Variants in EPB41 observed in about 807,000 individuals in gnomAD.
EPB41 encodes the protein protein 4.1.
Under a neutral mutation model 108.0 loss-of-function variants are expected in EPB41, and 65 were observed. The ratio of observed to expected loss-of-function variants is 0.60; its 90% confidence interval spans 0.49 to 0.74. The LOEUF (loss-of-function observed/expected upper bound fraction) is 0.74, where lower values mean the gene tolerates loss of function less well. Among genes scored for constraint, EPB41 ranks in the 30% least tolerant of loss-of-function variants. The pLI is 0.00. For synonymous variants in EPB41, 336 were observed against 358.9 expected (o/e 0.94, Z 0.72); for missense variants, 875 against 1,037.0 (o/e 0.84, Z 2.15).
At chr1:28,934,752 C>T (rs1026475786) in intron 1 of EPB41, among the ~76,000 whole-genome samples, 6 of 150,260 alleles carry the variant, frequency 4.0e-5, no homozygotes, top group Non-Finnish European at 5.9e-5. Flanking sequence ...GCTCCAGGCT[C>T]ATCTTGCATA....
At chr1:28,902,258 T>A (rs1318749198) in intron 1 of EPB41, 1 of 985,354 alleles carries the variant, frequency 1.0e-6, no homozygotes, top group Non-Finnish European at 1.2e-6. Context: ...TGATTGCTTC[T>A]GATATTTTCT....
In EPB41 at chr1:29,116,973, A is replaced by G. The variant is rs1671124785; in HGVS notation, c.*161A>G. 1 of 152,258 alleles carries G rather than the reference A, an allele frequency of 6.6e-6. No individual in the cohort carries two copies. The highest frequency in any genetic ancestry group is 2.4e-5 in the African/African-American group (1 of 41,472). The allele number at this position is 152,258 out of a possible 1,614,324, so 9.4% of individuals were successfully genotyped here. A position where few individuals can be genotyped will look rare whatever the true frequency, so the allele number is the denominator to read the frequency against. On this transcript the variant is annotated 3_prime_UTR_variant, in exon 21 of 21. Transcript: ENST00000343067. Reference sequence around the variant, plus strand: ...GTTTCTATTGGGAGTTTATACCAAGAGATTCTTCTAGATCTCATTGATCCT... The same window carrying G: ...GTTTCTATTGGGAGTTTATACCAAGGGATTCTTCTAGATCTCATTGATCCT...
chr1:29,108,964 C>T (rs1402479692), intron 17 of EPB41, among the ~76,000 whole-genome samples: 2 of 151,154 alleles, frequency 1.3e-5, no homozygotes, highest in Non-Finnish European at 2.9e-5. Context: ...TTTGGGAGGC[C>T]GAGGCAGGCG....
intron 1 of EPB41, among the ~76,000 whole-genome samples, chr1:28,933,515 T>G (rs977456026): frequency 2.0e-5 from 3 of 152,176 alleles, no homozygotes; most frequent in Non-Finnish European, 4.4e-5. Context: ...TTCATCCTAT[T>G]CAGATTTTCA....
intron 16 of EPB41, among the ~76,000 whole-genome samples, chr1:29,093,391 G>A (rs550841141): frequency 6.6e-6 from 1 of 152,184 alleles, no homozygotes; most frequent in African/African-American, 2.4e-5. Flanking sequence ...ATTTTTTAAT[G>A]GAGTTGTTTC....
rs553645625 is a variant in EPB41, at chr1:29,070,723, C to G, written c.2184+5565C>G. ...CCCTCTGATCTTGATAGTTCACTATCCTAGGGGAGCTCTTGTGATCATTTT... is the reference window on the plus strand; with the variant it reads ...CCCTCTGATCTTGATAGTTCACTATGCTAGGGGAGCTCTTGTGATCATTTT... On this transcript the variant is annotated intron_variant, in intron 16 of 20. Coordinates refer to ENST00000343067, the MANE Select transcript of EPB41 (RefSeq NM_001376013.1). 126 of 1,217,592 alleles carry G rather than the reference C, an allele frequency of 1.0e-4. No homozygotes were observed. In the African/African-American group the frequency reaches 1.7e-3, roughly 16 times the overall value. 75.4% of individuals were successfully genotyped at this position (1,217,592 alleles called of 1,614,324 possible). A position where few individuals can be genotyped will look rare whatever the true frequency, so the allele number is the denominator to read the frequency against.
chr1:28,935,467 ACCC>A (rs71022381), intron 1 of EPB41, among the ~76,000 whole-genome samples: 759 of 64,122 alleles, frequency 0.012, 50 homozygotes, highest in Middle Eastern at 0.029. Context: ...ACACACACAC[ACCC>A]CCCCCCCCCC....
At chr1:29,079,969 C>T (rs1178613754) in intron 16 of EPB41, among the ~76,000 whole-genome samples, 1 of 151,818 alleles carries the variant, frequency 6.6e-6, no homozygotes, top group African/African-American at 2.4e-5. Context: ...GCACTCCAGC[C>T]TGGGCGACAA....
intron 1 of EPB41, among the ~76,000 whole-genome samples, chr1:28,923,661 A>G (rs1335513955): frequency 3.3e-5 from 5 of 152,132 alleles, no homozygotes; most frequent in Admixed American, 3.3e-4. Flanking sequence ...ATGACCATTA[A>G]TGGACACTGG....
intron 16 of EPB41, among the ~76,000 whole-genome samples, chr1:29,083,940 A>T (rs1042049979): frequency 6.6e-6 from 1 of 152,234 alleles, no homozygotes; most frequent in Non-Finnish European, 1.5e-5. Flanking sequence ...TGGGGGTATT[A>T]CTTAAATACA....
At position 28,890,121 on chromosome 1, in the gene EPB41, T is replaced by C. The variant is rs941442463; in HGVS notation, c.-8+2911T>C. ...GGCATGATCTCAGCTCACTGCAACC[T>C]TCACCTCCTGGATTCAAGCGATTCT... On this transcript the variant is annotated intron_variant, in intron 1 of 16. Coordinates refer to the EPB41 transcript ENST00000347529. 2.6e-5 allele frequency among the ~76,000 whole-genome samples: 4 copies of C among 152,112 alleles called. 1 individual carries two copies. The highest frequency in any genetic ancestry group is 9.7e-5 in the African/African-American group (4 of 41,420).
intron 1 of EPB41, among the ~76,000 whole-genome samples, chr1:28,959,140 CA>C (rs1470481929): frequency 6.7e-6 from 1 of 150,098 alleles, no homozygotes; most frequent in Admixed American, 6.6e-5. Flanking sequence ...AGATCACAGC[CA>C]AGCTGGGGTG....
chr1:28,998,023 G>A (rs995287868), intron 4 of EPB41, among the ~76,000 whole-genome samples: 2 of 152,290 alleles, frequency 1.3e-5, no homozygotes, highest in South Asian at 4.1e-4. Context: ...TGCAGGTGCT[G>A]TACTAGATGA....
chr1:29,013,898 T>C (rs984693430), intron 5 of EPB41, among the ~76,000 whole-genome samples: 1 of 150,548 alleles, frequency 6.6e-6, no homozygotes, highest in Non-Finnish European at 1.5e-5. Flanking sequence ...AATTTAAACA[T>C]TGTAGGAAAT....
intron 17 of EPB41, among the ~76,000 whole-genome samples, chr1:29,104,613 T>A (rs1465428663): frequency 6.6e-6 from 1 of 151,924 alleles, no homozygotes; most frequent in Non-Finnish European, 1.5e-5. Flanking sequence ...AGACGGAGTC[T>A]CGCTCTGTCA....
At chr1:29,014,885 C>A (rs2096557791) in intron 5 of EPB41, among the ~76,000 whole-genome samples, 1 of 152,184 alleles carries the variant, frequency 6.6e-6, no homozygotes, top group African/African-American at 2.4e-5. Flanking sequence ...ATGGCTTATG[C>A]CTGTAATCCC....
rs576456498 is a variant in EPB41, at chr1:29,016,636, G to A, written c.905+869G>A. Reference sequence around the variant, plus strand: ...GCCCACCTAATTTATTAAATCCTGCGCTCTTTAAAAACAGCCTACTGATGT... The same window carrying A: ...GCCCACCTAATTTATTAAATCCTGCACTCTTTAAAAACAGCCTACTGATGT... On this transcript the variant is annotated intron_variant, in intron 6 of 20. Coordinates refer to ENST00000343067, the MANE Select transcript of EPB41 (RefSeq NM_001376013.1). Among the ~76,000 whole-genome samples, 6 of 151,970 alleles carry A rather than the reference G, an allele frequency of 3.9e-5. No homozygotes were observed. In the South Asian group the frequency reaches 6.2e-4, roughly 16 times the overall value.
At chr1:29,036,159 G>A (rs138857096) in intron 10 of EPB41, among the ~76,000 whole-genome samples, 196 of 152,154 alleles carry the variant, frequency 1.3e-3, no homozygotes, top group African/African-American at 4.5e-3. Context: ...AGTAAGGAAT[G>A]GGAACCTGTA....
chr1:29,061,510 T>C (rs574315545), intron 15 of EPB41, among the ~76,000 whole-genome samples: 6 of 150,944 alleles, frequency 4.0e-5, no homozygotes, highest in Non-Finnish European at 7.4e-5. Context: ...ACCTCGTGAT[T>C]CGCCCACCTT....
Sources: allele counts gnomAD v4.1 joint callset (sites outside exome capture counted in the v4.1 genomes callset), GRCh38; gene constraint gnomAD v4.1.1; transcripts MANE v1.5; gene names NCBI Gene and HGNC (gene_info 2026-07-23, HGNC 2026-07-21).